HLA-DMB: variants seen among roughly 807,000 people sequenced by gnomAD.
HLA-DMB encodes major histocompatibility complex, class II, DM beta.
Under a neutral mutation model 29.3 loss-of-function variants are expected in HLA-DMB, and 18 were observed. That is an observed-to-expected ratio of 0.62 (90% confidence interval 0.43 to 0.91). The LOEUF (loss-of-function observed/expected upper bound fraction) is 0.91, where lower values mean the gene tolerates loss of function less well. Ranked by LOEUF, HLA-DMB falls within the 40% of genes least tolerant of loss-of-function variation. The pLI is 0.00. For missense variants in HLA-DMB, 258 were observed against 320.9 expected, an observed-to-expected ratio of 0.80 and a Z score of 1.50; for synonymous variants, 143 against 128.7, an observed-to-expected ratio of 1.11 and a Z score of -0.75.
intron 3 of HLA-DMB, 60 bp from the exon 4 acceptor site, chr6:32,935,712 A>T: frequency 8.1e-7 from 1 of 1,228,236 alleles, no homozygotes; most frequent in Non-Finnish European, 1.2e-6. Flanking sequence ...GGGCAATTCC[A>T]TTTATTGCAG....
At chr6:32,939,839 C>G (rs1332815925) in intron 1 of HLA-DMB, among the ~76,000 whole-genome samples, 5 of 152,118 alleles carry the variant, frequency 3.3e-5, no homozygotes, top group Non-Finnish European at 2.9e-5. Flanking sequence ...AGGAGGGGGT[C>G]ATGGGAACCT....
rs1290322508 is a variant in HLA-DMB at position 32,940,822 on chromosome 6, A to C, written c.-15T>G. Reference sequence around the variant, plus strand: ...AATGTGATCATGCTCTGCTCTGTAAAGATGCCGGGAGTTCAGTCCCCTGGA... The same window carrying C: ...AATGTGATCATGCTCTGCTCTGTAACGATGCCGGGAGTTCAGTCCCCTGGA... On this transcript the variant is annotated 5_prime_UTR_variant, in exon 1 of 6. Transcript: ENST00000418107. 2 of 1,583,636 alleles carry C rather than the reference A, an allele frequency of 1.3e-6. No individual in the cohort carries two copies. The highest frequency in any genetic ancestry group is 1.7e-6 in the Non-Finnish European group (2 of 1,165,420).
Position 32,934,886 on chromosome 6 carries a change from G to T in HLA-DMB, c.*85C>A. 1 of 1,258,340 alleles carries T rather than the reference G, an allele frequency of 7.9e-7. No individual in the cohort carries two copies. The highest frequency in any genetic ancestry group is 1.2e-6 in the Non-Finnish European group (1 of 858,486). 77.9% of individuals were successfully genotyped at this position (1,258,340 alleles called of 1,614,324 possible). ...CCATAGGATCCAAGATAATGTCAGGGGGTTGAAGATGTTGGAGAGGCATGG... is the reference window on the plus strand; with the variant it reads ...CCATAGGATCCAAGATAATGTCAGGTGGTTGAAGATGTTGGAGAGGCATGG... On this transcript the variant is annotated 3_prime_UTR_variant, in exon 6 of 6. Coordinates refer to ENST00000418107, the MANE Select transcript of HLA-DMB (RefSeq NM_002118.5).
At position 32,934,810 on chromosome 6, in the gene HLA-DMB, C is replaced by T; in HGVS notation, c.*161G>A. 1 of 725,788 alleles carries T rather than the reference C, an allele frequency of 1.4e-6. No individual in the cohort carries two copies. Among genetic ancestry groups the T allele is most frequent in the Non-Finnish European group, 2.3e-6 (1 of 432,994 alleles). The allele number at this position is 725,788 out of a possible 1,614,324, so 45.0% of individuals were successfully genotyped here. A position where few individuals can be genotyped will look rare whatever the true frequency, so the allele number is the denominator to read the frequency against. On this transcript the variant is annotated 3_prime_UTR_variant, in exon 6 of 6. Coordinates refer to ENST00000418107, the MANE Select transcript of HLA-DMB (RefSeq NM_002118.5). ...CCCAGGAATGAGGTCCCCCAAGTTGCTAAGTTTTACATAGGGGAGACTGGG... is the reference window on the plus strand; with the variant it reads ...CCCAGGAATGAGGTCCCCCAAGTTGTTAAGTTTTACATAGGGGAGACTGGG...
intron 1 of HLA-DMB, among the ~76,000 whole-genome samples, chr6:32,940,488 C>T (rs1437109852): frequency 6.6e-6 from 1 of 151,890 alleles, no homozygotes; most frequent in Non-Finnish European, 1.5e-5. Context: ...GCACTTGCTG[C>T]ATGCAAGGCA....
At chr6:32,939,788 T>C (rs1292068838) in intron 1 of HLA-DMB, among the ~76,000 whole-genome samples, 1 of 152,194 alleles carries the variant, frequency 6.6e-6, no homozygotes, top group Admixed American at 6.5e-5. Flanking sequence ...AGTAAACTTT[T>C]CCTGAGTTCC....
chr6:32,935,867 C>T, intron 3 of HLA-DMB: 1 of 584,668 alleles, frequency 1.7e-6, no homozygotes. Context: ...GAACCCATCT[C>T]CCCAGAATTA....
In HLA-DMB at chr6:32,937,543, C is replaced by A; in HGVS notation, c.338-87G>T. Reference sequence around the variant, plus strand: ...TGGTTTCTTCCCTATCGCAACTCTTCGTAGATTTTGCAACCCACTTTCCAC... The same window carrying A: ...TGGTTTCTTCCCTATCGCAACTCTTAGTAGATTTTGCAACCCACTTTCCAC... On this transcript the variant is annotated intron_variant, in intron 2 of 5. Transcript: ENST00000418107. The surrounding 1 kb of genome is among the most constrained non-coding windows in gnomAD (Gnocchi z 4.1). 1 of 1,398,232 alleles carries A rather than the reference C, an allele frequency of 7.2e-7. No individual in the cohort carries two copies. Among genetic ancestry groups the A allele is most frequent in the South Asian group, 1.3e-5 (1 of 75,962 alleles). 86.6% of individuals were successfully genotyped at this position (1,398,232 alleles called of 1,614,324 possible). A position where few individuals can be genotyped will look rare whatever the true frequency, so the allele number is the denominator to read the frequency against.
In HLA-DMB at chr6:32,934,856, A is replaced by G; in HGVS notation, c.*115T>C. 1 of 1,101,880 alleles carries G rather than the reference A, an allele frequency of 9.1e-7. No individual in the cohort carries two copies. Among genetic ancestry groups the G allele is most frequent in the Non-Finnish European group, 1.4e-6 (1 of 734,124 alleles). 68.3% of individuals were successfully genotyped at this position (1,101,880 alleles called of 1,614,324 possible). On this transcript the variant is annotated 3_prime_UTR_variant, in exon 6 of 6. Transcript: ENST00000418107. The stretch of plus-strand genomic sequence containing the variant: ...CTGGGAAATTCAAAGAATTGGATGG[A>G]GAAACCATAGGATCCAAGATAATGT...
chr6:32,938,472 A>T, intron 2 of HLA-DMB: 1 of 439,240 alleles, frequency 2.3e-6, no homozygotes, highest in Non-Finnish European at 3.9e-6. Context: ...TCGCGGTTCA[A>T]GCCTCACCTC....
chr6:32,935,694 C>A, intron 3 of HLA-DMB, 42 bp from the exon 4 acceptor site: 1 of 1,439,654 alleles, frequency 6.9e-7, no homozygotes, highest in Non-Finnish European at 9.8e-7. Flanking sequence ...TTCTGTTGCT[C>A]ACCCCCAGGG....
intron 3 of HLA-DMB, 161 bp from the exon 4 acceptor site, chr6:32,935,813 C>T (rs981971653): frequency 8.1e-6 from 5 of 618,730 alleles, no homozygotes; most frequent in African/African-American, 7.4e-5. Flanking sequence ...TTTCTCAAAT[C>T]AAACCCTCGT....
chr6:32,938,809 C>G lies in HLA-DMB; in HGVS notation c.212G>C (p.Ser71Thr), dbSNP rs17617321. Reference sequence around the variant, plus strand: ...GTGCTGTGAGAGGACATTCGCCAAGCTATTCAGCACCCCAAATTCGCAAGG... The same window carrying G: ...GTGCTGTGAGAGGACATTCGCCAAGGTATTCAGCACCCCAAATTCGCAAGG... ...MAPCEFGVLN[S>T]LANVLSQHLN... The change falls in exon 2 of 6, where the codon AGC becomes ACC. Residue 71 changes from serine to threonine, a missense_variant. Physicochemically the swap from Ser to Thr is moderately conservative, Grantham distance 58 (BLOSUM62 1). Transcript: ENST00000418107. The G allele has an allele frequency of 6.2e-7, 1 of 1,611,392 alleles. No homozygotes were observed. The highest frequency in any genetic ancestry group is 1.7e-5 in the Admixed American group (1 of 59,830).
At chr6:32,935,204 C>A in intron 5 of HLA-DMB, 138 bp downstream of exon 5, 1 of 855,310 alleles carries the variant, frequency 1.2e-6, no homozygotes. Flanking sequence ...GCAATGGCAG[C>A]TTAAATCATG....
Position 32,940,828 on chromosome 6 carries a change from C to T in HLA-DMB, c.-21G>A, listed in dbSNP as rs567723158. 5 of 1,579,290 alleles carry T rather than the reference C, an allele frequency of 3.2e-6. No homozygotes were observed. The African/African-American group carries it at 4.0e-5, about 13-fold the overall frequency. ...ATCATGCTCTGCTCTGTAAAGATGC[C>T]GGGAGTTCAGTCCCCTGGACCAGCT... is the stretch of plus-strand genomic sequence containing the variant. On this transcript the variant is annotated 5_prime_UTR_variant, in exon 1 of 6. Transcript: ENST00000418107.
chr6:32,935,009 G>C (rs781252003), intron 5 of HLA-DMB, 22 bp from the exon 6 acceptor site: 3 of 1,612,620 alleles, frequency 1.9e-6, no homozygotes, highest in South Asian at 2.2e-5. Context: ...ATAAAAGGGA[G>C]ATAATGAGGC....
intron 4 of HLA-DMB, 36 bp downstream of exon 4, chr6:32,935,500 C>T: frequency 1.9e-6 from 3 of 1,563,908 alleles, no homozygotes; most frequent in Non-Finnish European, 2.6e-6. Context: ...GAGAGTGGGA[C>T]CAAGAGTGGG....
rs1162647635 is a variant in HLA-DMB at position 32,938,817 on chromosome 6, C to G, written c.204G>C (p.Val68=). 1.9e-6 allele frequency: 3 copies of G among 1,611,988 alleles called. No individual in the cohort carries two copies. In the South Asian group the frequency reaches 3.3e-5, roughly 18 times the overall value. The part of the protein sequence containing the change: ...ENKMAPCEFG[V]LNSLANVLSQ... ...AGAGGACATTCGCCAAGCTATTCAG[C>G]ACCCCAAATTCGCAAGGGGCCATCT... The change falls in exon 2 of 6, where the codon GTG becomes GTC. Residue 68 remains valine (V), a synonymous_variant. Transcript: ENST00000418107.
At chr6:32,938,538 A>G in intron 2 of HLA-DMB, 146 bp downstream of exon 2, 5 of 819,140 alleles carry the variant, frequency 6.1e-6, no homozygotes, top group Non-Finnish European at 7.0e-6. Flanking sequence ...TTGAGGTTCA[A>G]TCCTCCGTCT....
Sources: allele counts gnomAD v4.1 joint callset (sites outside exome capture counted in the v4.1 genomes callset), GRCh38; gene constraint gnomAD v4.1.1; non-coding constraint Gnocchi (gnomAD v3.1); transcripts MANE v1.5; gene names NCBI Gene and HGNC (gene_info 2026-07-23, HGNC 2026-07-21).